NDUFS4: variants seen among roughly 807,000 people sequenced by gnomAD.
The protein encoded by NDUFS4 is NADH:ubiquinone oxidoreductase subunit S4, also known as NADH dehydrogenase [ubiquinone] iron-sulfur protein 4, mitochondrial.
Under a neutral mutation model 24.3 loss-of-function variants are expected in NDUFS4, and 28 were observed. That is an observed-to-expected ratio of 1.15 (90% CI 0.85 to 1.58). The LOEUF (loss-of-function observed/expected upper bound fraction) is 1.58, where lower values mean the gene tolerates loss of function less well. NDUFS4 is among the 40% of genes most tolerant of loss of function. The probability of loss-of-function intolerance (pLI) is 0.00; values close to 1 mark genes in which losing one functional copy is unlikely to be tolerated. For synonymous variants in NDUFS4, 93 were observed against 69.7 expected, an observed-to-expected ratio of 1.34 and a Z score of -1.67; for missense variants, 223 against 207.9, an observed-to-expected ratio of 1.07 and a Z score of -0.45.
chr5:53,613,149 G>T (rs1252075013), intron 2 of NDUFS4, among the ~76,000 whole-genome samples: 1 of 151,876 alleles, frequency 6.6e-6, no homozygotes, highest in African/African-American at 2.4e-5. Flanking sequence ...CTTTCTTTTG[G>T]TGTATGGCAG....
At chr5:53,663,490 G>T (rs1411328691) in intron 4 of NDUFS4, among the ~76,000 whole-genome samples, 1 of 152,126 alleles carries the variant, frequency 6.6e-6, no homozygotes, top group African/African-American at 2.4e-5. Context: ...GGTCACTCAG[G>T]ACTTGCTTTA....
intron 2 of NDUFS4, among the ~76,000 whole-genome samples, chr5:53,622,996 A>G (rs1483553010): frequency 6.6e-6 from 1 of 152,162 alleles, no homozygotes; most frequent in Non-Finnish European, 1.5e-5. Context: ...TTTTATGTGT[A>G]TATCACACTT....
At chr5:53,596,038 T>TA (rs75336541) in intron 1 of NDUFS4, among the ~76,000 whole-genome samples, 1 of 152,236 alleles carries the variant, frequency 6.6e-6, no homozygotes, top group East Asian at 1.9e-4. Context: ...AAAGAGATTT[T>TA]AAACAAATTA....
At chr5:53,571,392 G>C (rs1749204498) in intron 1 of NDUFS4, among the ~76,000 whole-genome samples, 1 of 152,156 alleles carries the variant, frequency 6.6e-6, no homozygotes, top group African/African-American at 2.4e-5. Flanking sequence ...TTTTATTGAA[G>C]AATAGTATTC....
chr5:53,611,765 C>T (rs1045025135), intron 2 of NDUFS4, among the ~76,000 whole-genome samples: 1 of 151,848 alleles, frequency 6.6e-6, no homozygotes, highest in African/African-American at 2.4e-5. Flanking sequence ...ATGAGGGTAA[C>T]TTTTTTTTCT....
intron 2 of NDUFS4, chr5:53,604,753 C>G: frequency 2.2e-6 from 1 of 456,264 alleles, no homozygotes; most frequent in South Asian, 1.5e-5. Context: ...GTTTTACATT[C>G]TGTGGTCTAG....
chr5:53,611,133 C>T (rs10044359), intron 2 of NDUFS4, among the ~76,000 whole-genome samples: 4,997 of 151,032 alleles, frequency 0.033, 294 homozygotes, highest in African/African-American at 0.11. Flanking sequence ...ATACAGTATA[C>T]AATAAATTAC....
At position 53,683,177 on chromosome 5, in the gene NDUFS4, G is replaced by T; in HGVS notation, c.484G>T (p.Ala162Ser). 3 of 1,612,438 alleles carry T rather than the reference G, an allele frequency of 1.9e-6. No homozygotes were observed. The highest frequency in any genetic ancestry group is 2.5e-6 in the Non-Finnish European group (3 of 1,178,832). Residue 162 changes from alanine to serine, a missense_variant, in exon 5 of 5, where the codon GCA (alanine) becomes TCA (serine). By Grantham distance (99) the Ala-to-Ser change is moderately conservative. Coordinates refer to ENST00000296684, the MANE Select transcript of NDUFS4 (RefSeq NM_002495.4). Reference protein sequence around the residue: ...VPKPKSKSYGANFSWNKRTRV... With the variant: ...VPKPKSKSYGSNFSWNKRTRV... ...AAAACCCAAGTCCAAGTCTTATGGTGCAAACTTTTCTTGGAACAAAAGAAC... is the reference window on the plus strand; with the variant it reads ...AAAACCCAAGTCCAAGTCTTATGGTTCAAACTTTTCTTGGAACAAAAGAAC...
intron 4 of NDUFS4, among the ~76,000 whole-genome samples, chr5:53,669,639 A>T (rs1752610798): frequency 6.6e-6 from 1 of 152,164 alleles, no homozygotes; most frequent in Non-Finnish European, 1.5e-5. Context: ...AGTCAGAAGC[A>T]TGTTGAACAC....
chr5:53,681,213 G>A (rs886784201), intron 4 of NDUFS4, among the ~76,000 whole-genome samples: 1 of 152,074 alleles, frequency 6.6e-6, no homozygotes, highest in African/African-American at 2.4e-5. Context: ...TCCAGAATCT[G>A]GCCGTCTGTG....
At chr5:53,594,503 A>G (rs1344996674) in intron 1 of NDUFS4, among the ~76,000 whole-genome samples, 9 of 152,084 alleles carry the variant, frequency 5.9e-5, no homozygotes, top group Admixed American at 5.2e-4. Context: ...TTTAATTGGT[A>G]TATTTAGACT....
intron 4 of NDUFS4, among the ~76,000 whole-genome samples, chr5:53,663,898 T>C (rs1459260646): frequency 6.6e-6 from 1 of 152,170 alleles, no homozygotes; most frequent in East Asian, 1.9e-4. Context: ...GTTATTTTGC[T>C]CATTAGTTGA....
At chr5:53,661,065 A>G (rs1190851529) in intron 4 of NDUFS4, among the ~76,000 whole-genome samples, 2 of 152,262 alleles carry the variant, frequency 1.3e-5, no homozygotes, top group East Asian at 3.9e-4. Flanking sequence ...TTAGACATGA[A>G]GTCCTTGCCC....
At position 53,560,688 on chromosome 5, in the gene NDUFS4, T is replaced by G; in HGVS notation, c.26T>G (p.Val9Gly). The change falls in exon 1 of 5, where the codon GTA becomes GGA. Residue 9 changes from valine (V) to glycine (G), a missense_variant. Coordinates refer to ENST00000296684, the MANE Select transcript of NDUFS4 (RefSeq NM_002495.4). MAAVSMSVVLRQTLWRRRA... is the reference protein window; with the variant it reads MAAVSMSVGLRQTLWRRRA... ...ATGGCGGCGGTGTCAATGTCAGTGG[T>G]ACTGAGGCAGACGTTGTGGCGGAGA... 2 of 1,614,262 alleles carry G rather than the reference T, an allele frequency of 1.2e-6. No homozygotes were observed. Among genetic ancestry groups the G allele is most frequent in the Non-Finnish European group, 1.7e-6 (2 of 1,180,042 alleles).
At chr5:53,625,095 A>G (rs1387816518) in intron 2 of NDUFS4, among the ~76,000 whole-genome samples, 3 of 151,900 alleles carry the variant, frequency 2.0e-5, no homozygotes, top group Non-Finnish European at 2.9e-5. Flanking sequence ...ATAGGCACAC[A>G]CCACTATACC....
At chr5:53,613,113 G>A (rs1370715950) in intron 2 of NDUFS4, among the ~76,000 whole-genome samples, 1 of 151,908 alleles carries the variant, frequency 6.6e-6, no homozygotes, top group Non-Finnish European at 1.5e-5. Flanking sequence ...CCCCTCTAAG[G>A]GGTCAGTTTT....
At chr5:53,668,825 C>T (rs1752590629) in intron 4 of NDUFS4, among the ~76,000 whole-genome samples, 1 of 152,016 alleles carries the variant, frequency 6.6e-6, no homozygotes, top group African/African-American at 2.4e-5. Context: ...ATTGTCACCA[C>T]AGAAAGTAAC....
chr5:53,646,994 C>G (rs372722429), intron 3 of NDUFS4, among the ~76,000 whole-genome samples: 1 of 151,688 alleles, frequency 6.6e-6, no homozygotes, highest in Non-Finnish European at 1.5e-5. Flanking sequence ...ACTGTTTTAT[C>G]CAAGATACTG....
At chr5:53,572,972 T>TTTTTTG (rs1749263613) in intron 1 of NDUFS4, among the ~76,000 whole-genome samples, 1 of 67,030 alleles carries the variant, frequency 1.5e-5, no homozygotes, top group Non-Finnish European at 2.8e-5. Flanking sequence ...TTTTTTTTGT[T>TTTTTTG]TTTTTTTTTT....
Sources: gnomAD v4.1 joint callset for allele counts (sites outside exome capture counted in the v4.1 genomes callset) on GRCh38, gnomAD v4.1.1 for gene constraint, MANE v1.5 for transcripts, NCBI Gene and HGNC (gene_info 2026-07-23, HGNC 2026-07-21) for gene names.